MAD1L1: variants seen among roughly 807,000 people sequenced by gnomAD.
The protein encoded by MAD1L1 is mitotic arrest deficient 1 like 1, also known as mitotic spindle assembly checkpoint protein MAD1.
A neutral mutation model predicts 96.9 loss-of-function variants in MAD1L1; 95 were observed. The observed-to-expected ratio is 0.98, with a 90% CI of 0.83 to 1.16. The LOEUF (loss-of-function observed/expected upper bound fraction) is 1.16, where lower values mean the gene tolerates loss of function less well. Among genes scored for constraint, MAD1L1 ranks in the 50% most tolerant of loss-of-function variants. MAD1L1 has a pLI of 0.00. For missense variants in MAD1L1, 1,007 were observed against 954.4 expected (o/e 1.06, Z -0.73); for synonymous variants, 473 against 396.6 (o/e 1.19, Z -2.29).
intron 15 of MAD1L1, among the ~76,000 whole-genome samples, chr7:1,977,920 G>C (rs1479698202): frequency 6.6e-6 from 1 of 152,246 alleles, no homozygotes; most frequent in African/African-American, 2.4e-5. Context: ...CCAGATTTAA[G>C]AACCTACTCC....
At chr7:1,943,027 A>C (rs1779072778) in intron 16 of MAD1L1, among the ~76,000 whole-genome samples, 1 of 152,208 alleles carries the variant, frequency 6.6e-6, no homozygotes, top group Non-Finnish European at 1.5e-5. Flanking sequence ...TCGATAGGGA[A>C]AAATAGTCTT....
chr7:1,910,584 T>C (rs908073032), intron 17 of MAD1L1, among the ~76,000 whole-genome samples: 2 of 152,200 alleles, frequency 1.3e-5, no homozygotes, highest in East Asian at 1.9e-4. Context: ...AAAGCCTCCC[T>C]GGGCCACCCC....
At chr7:1,980,759 C>T in intron 14 of MAD1L1, 1 of 661,742 alleles carries the variant, frequency 1.5e-6, no homozygotes, top group Non-Finnish European at 2.9e-6. Context: ...ACTTCCATCT[C>T]CTGAATAGCA....
rs560288392 is a variant in MAD1L1 at position 2,166,118 on chromosome 7, C to T, written c.987-16880G>A. ...GCCAGCAGCAAAGTCCACGCCACCA[C>T]GACTGTGACGTGGTCCATCCAGACC... is the stretch of plus-strand genomic sequence containing the variant. On this transcript the variant is annotated intron_variant, in intron 10 of 18. Coordinates refer to ENST00000265854, the MANE Select transcript of MAD1L1 (RefSeq NM_001013836.2). Among the ~76,000 whole-genome samples, 8 of 152,330 alleles carry T rather than the reference C, an allele frequency of 5.3e-5. 1 individual carries two copies. The highest frequency in any genetic ancestry group is 7.2e-5 in the African/African-American group (3 of 41,568).
intron 11 of MAD1L1, among the ~76,000 whole-genome samples, chr7:2,085,878 A>G (rs1785892489): frequency 1.3e-5 from 2 of 152,128 alleles, no homozygotes; most frequent in African/African-American, 4.8e-5. Flanking sequence ...ACCTCTGAAG[A>G]CCCACTGGAC....
chr7:1,845,969 G>C (rs1213408973), intron 18 of MAD1L1: 1 of 152,890 alleles, frequency 6.5e-6, no homozygotes, highest in Non-Finnish European at 1.5e-5. Flanking sequence ...CTCAGAAACA[G>C]ACCAAGAGAC....
chr7:2,229,273 A>G (rs1794073953), intron 3 of MAD1L1, among the ~76,000 whole-genome samples: 1 of 152,066 alleles, frequency 6.6e-6, no homozygotes. Context: ...GGCCCAGGCA[A>G]GGCTGGAGAC....
chr7:2,221,006 G>T, intron 5 of MAD1L1: 8 of 1,612,436 alleles, frequency 5.0e-6, no homozygotes, highest in Non-Finnish European at 6.8e-6. Flanking sequence ...AGAGTAAGGA[G>T]CGTGACAATC....
At chr7:2,176,267 G>C (rs570002740) in intron 10 of MAD1L1, among the ~76,000 whole-genome samples, 6 of 152,176 alleles carry the variant, frequency 3.9e-5, no homozygotes, top group Middle Eastern at 3.2e-3. Flanking sequence ...AAAATCACTG[G>C]AACCTGGGAG....
At chr7:2,201,745 C>A (rs1007435869) in intron 10 of MAD1L1, 2 of 152,316 alleles carry the variant, frequency 1.3e-5, no homozygotes, top group Admixed American at 6.5e-5. Context: ...GGGGTGGAGC[C>A]CAACGGTCTC....
chr7:2,157,436 G>A (rs146949034), intron 10 of MAD1L1, among the ~76,000 whole-genome samples: 24 of 152,324 alleles, frequency 1.6e-4, no homozygotes, highest in Non-Finnish European at 2.9e-4. Context: ...ACTGAGAAGA[G>A]AAAAGCAGCA....
intron 13 of MAD1L1, among the ~76,000 whole-genome samples, chr7:2,008,502 T>G (rs1447501100): frequency 6.6e-6 from 1 of 152,198 alleles, no homozygotes; most frequent in Non-Finnish European, 1.5e-5. Flanking sequence ...AAGCTCAGGT[T>G]GGCTCCGCAA....
chr7:2,178,225 T>G (rs1210470239), intron 10 of MAD1L1, among the ~76,000 whole-genome samples: 1 of 152,242 alleles, frequency 6.6e-6, no homozygotes, highest in African/African-American at 2.4e-5. Context: ...ATCTTTGACC[T>G]TCACTGGTAT....
intron 16 of MAD1L1, among the ~76,000 whole-genome samples, chr7:1,938,667 CAA>C (rs1778741348): frequency 6.6e-6 from 1 of 152,130 alleles, no homozygotes; most frequent in Non-Finnish European, 1.5e-5. Flanking sequence ...AGACACTTCC[CAA>C]AAAGACACCC....
chr7:2,174,967 G>T (rs13240130), intron 10 of MAD1L1, among the ~76,000 whole-genome samples: 20,412 of 152,176 alleles, frequency 0.13, 1,607 homozygotes, highest in South Asian at 0.2. Flanking sequence ...GTTGTGAGGT[G>T]GCGACTTCAG....
intron 17 of MAD1L1, among the ~76,000 whole-genome samples, chr7:1,918,961 C>G (rs754980944): frequency 3.9e-5 from 6 of 152,118 alleles, no homozygotes; most frequent in African/African-American, 9.7e-5. Context: ...CCTTCCAACA[C>G]CCGTCCTGTC....
intron 17 of MAD1L1, among the ~76,000 whole-genome samples, chr7:1,933,254 G>A (rs1228806106): frequency 3.3e-5 from 5 of 152,210 alleles, no homozygotes; most frequent in Admixed American, 3.3e-4. Context: ...GGAGCATGGA[G>A]CCGTCTGCCA....
chr7:1,838,475 C>G, intron 18 of MAD1L1: 1 of 289,850 alleles, frequency 3.5e-6, no homozygotes, highest in Non-Finnish European at 7.0e-6. Context: ...GGTCTATCCA[C>G]ACACTAGACC....
intron 17 of MAD1L1, among the ~76,000 whole-genome samples, chr7:1,907,960 C>G (rs1485476790): frequency 6.6e-6 from 1 of 152,232 alleles, no homozygotes; most frequent in African/African-American, 2.4e-5. Context: ...GCGGCCCCCT[C>G]AGGAGACAGC....
Sources: gnomAD v4.1 joint callset for allele counts (sites outside exome capture counted in the v4.1 genomes callset) on GRCh38, gnomAD v4.1.1 for gene constraint, MANE v1.5 for transcripts, NCBI Gene and HGNC (gene_info 2026-07-23, HGNC 2026-07-21) for gene names.